Variants in SPATA6 observed in about 807,000 individuals in gnomAD.
SPATA6 encodes the protein spermatogenesis-associated protein 6.
Under a neutral mutation model 65.3 loss-of-function variants are expected in SPATA6, and 56 were observed. The observed-to-expected ratio is 0.86, with a 90% confidence interval of 0.69 to 1.07. The LOEUF (loss-of-function observed/expected upper bound fraction) is 1.07. SPATA6 is among the 50% of genes least tolerant of loss of function. The probability of loss-of-function intolerance (pLI) is 0.00; values close to 1 mark genes in which losing one functional copy is unlikely to be tolerated. For missense variants in SPATA6, 590 were observed against 594.8 expected (o/e 0.99, Z 0.08); for synonymous variants, 199 against 213.2 (o/e 0.93, Z 0.58).
In SPATA6 at chr1:48,418,544, C is replaced by CAAAA. The variant is rs34415296; in HGVS notation, c.239-5397_239-5394dup. Among the ~76,000 whole-genome samples the CAAAA allele has an allele frequency of 3.9e-3, 196 of 49,698 alleles. 6 individuals are homozygous for CAAAA. Among genetic ancestry groups the CAAAA allele is most frequent in the East Asian group, 0.017 (18 of 1,084 alleles). The allele number at this position is 49,698 out of a possible 152,430, so 32.6% of individuals were successfully genotyped here. A position where few individuals can be genotyped will look rare whatever the true frequency, so the allele number is the denominator to read the frequency against. The stretch of plus-strand genomic sequence containing the variant: ...GCAACATGGCAAGAACCCATCCCTA[C>CAAAA]AAAAAAAAAAAAAAAAAAAAAAAAA... On this transcript the variant is annotated intron_variant, in intron 3 of 12. Coordinates refer to ENST00000371847, the MANE Select transcript of SPATA6 (RefSeq NM_019073.4).
chr1:48,359,330 C>T (rs1430431702), intron 10 of SPATA6, among the ~76,000 whole-genome samples: 3 of 152,296 alleles, frequency 2.0e-5, no homozygotes, highest in South Asian at 2.1e-4. Context: ...TTACTTTTCA[C>T]TTTTAAGAAC....
chr1:48,467,365 C>T (rs1187185667), intron 1 of SPATA6, among the ~76,000 whole-genome samples: 1 of 152,006 alleles, frequency 6.6e-6, no homozygotes, highest in Non-Finnish European at 1.5e-5. Context: ...AAAGATAACA[C>T]CTAGTTTCCA....
chr1:48,363,510 T>A (rs1254846919), intron 9 of SPATA6, among the ~76,000 whole-genome samples: 1 of 152,068 alleles, frequency 6.6e-6, no homozygotes, highest in Non-Finnish European at 1.5e-5. Context: ...AAAAATTAAA[T>A]GAAAGGAAAG....
intron 11 of SPATA6, among the ~76,000 whole-genome samples, chr1:48,341,976 T>TGA (rs1443940648): frequency 6.6e-6 from 1 of 152,176 alleles, no homozygotes; most frequent in African/African-American, 2.4e-5. Flanking sequence ...CCAAAGAATA[T>TGA]ACACAATATA....
intron 4 of SPATA6, 67 bp from the exon 5 acceptor site, chr1:48,411,655 GTATGA>G: frequency 7.4e-7 from 1 of 1,349,038 alleles, no homozygotes; most frequent in Non-Finnish European, 9.7e-7. Context: ...AAATCATCAA[GTATGA>G]TATATCTACT....
intron 11 of SPATA6, among the ~76,000 whole-genome samples, chr1:48,314,950 G>A (rs1190338092): frequency 2.0e-5 from 3 of 152,088 alleles, no homozygotes; most frequent in Admixed American, 6.6e-5. Flanking sequence ...TAGAATAAAT[G>A]GATAAATCCT....
rs1174893649 is a variant in SPATA6, at chr1:48,400,516, A to G, written c.487-872T>C. Among the ~76,000 whole-genome samples, 3 of 152,152 alleles carry G rather than the reference A, an allele frequency of 2.0e-5. No homozygotes were observed. In the East Asian group the frequency reaches 5.8e-4, roughly 29 times the overall value. ...AGAGTTATAAGAAGCTTTTCAATTCAAGAAAATGGACTGCGGAGAATTTTT... is the reference window on the plus strand; with the variant it reads ...AGAGTTATAAGAAGCTTTTCAATTCGAGAAAATGGACTGCGGAGAATTTTT... On this transcript the variant is annotated intron_variant, in intron 6 of 12. Transcript: ENST00000371847.
the SPATA6 span, among the ~76,000 whole-genome samples, chr1:48,275,553 G>A: frequency 1.3e-5 from 2 of 152,096 alleles, no homozygotes; most frequent in Admixed American, 1.3e-4. Context: ...GCAAGAAGGG[G>A]TGCTGAATTT....
intron 3 of SPATA6, among the ~76,000 whole-genome samples, chr1:48,424,273 A>G (rs1262944168): frequency 1.3e-5 from 2 of 152,160 alleles, no homozygotes; most frequent in African/African-American, 4.8e-5. Flanking sequence ...TGCCTGGCAT[A>G]TTTTACTTAA....
intron 11 of SPATA6, among the ~76,000 whole-genome samples, chr1:48,319,359 T>C (rs540325500): frequency 1.3e-5 from 2 of 152,256 alleles, no homozygotes; most frequent in African/African-American, 4.8e-5. Context: ...CAAACCTTAT[T>C]ATCTAAGATG....
chr1:48,389,446 G>A (rs1649825918), intron 8 of SPATA6, among the ~76,000 whole-genome samples: 1 of 152,098 alleles, frequency 6.6e-6, no homozygotes, highest in African/African-American at 2.4e-5. Flanking sequence ...TCCCTAAGCA[G>A]ATACAATGCA....
chr1:48,411,624 A>G (rs747783991), intron 4 of SPATA6, 36 bp from the exon 5 acceptor site: 2 of 1,468,522 alleles, frequency 1.4e-6, no homozygotes, highest in East Asian at 2.5e-5. Flanking sequence ...AAATTATAAT[A>G]AAATATTCTA....
chr1:48,367,991 G>A (rs1319541570), intron 9 of SPATA6, among the ~76,000 whole-genome samples: 3 of 152,136 alleles, frequency 2.0e-5, no homozygotes, highest in East Asian at 1.9e-4. Flanking sequence ...GGCAGGCGTG[G>A]TGGTGACAAA....
chr1:48,386,855 C>T (rs904529015), intron 8 of SPATA6, among the ~76,000 whole-genome samples: 1 of 152,196 alleles, frequency 6.6e-6, no homozygotes, highest in African/African-American at 2.4e-5. Flanking sequence ...GAACTCCCTC[C>T]CCTACAGACT....
chr1:48,452,394 T>A (rs1387743418), intron 2 of SPATA6, among the ~76,000 whole-genome samples: 1 of 150,752 alleles, frequency 6.6e-6, no homozygotes, highest in East Asian at 1.9e-4. Flanking sequence ...ATTCTTTTTT[T>A]TTTTTTTTAG....
rs116737156 is a variant in SPATA6 at position 48,299,813 on chromosome 1, G to A, written c.1287-920C>T. ...CAGTGAAGTTAAGTGACTTGCCTAA[G>A]ACTGCTCAGCTAGTAAGTGGCAAAA... On this transcript the variant is annotated intron_variant, in intron 12 of 12. Transcript: ENST00000371847. Among the ~76,000 whole-genome samples, 370 of 152,284 alleles carry A rather than the reference G, an allele frequency of 2.4e-3. 3 individuals are homozygous for A. The highest frequency in any genetic ancestry group is 8.5e-3 in the African/African-American group (353 of 41,572).
intron 9 of SPATA6, among the ~76,000 whole-genome samples, chr1:48,364,873 C>T (rs1570313224): frequency 6.6e-6 from 1 of 152,262 alleles, no homozygotes; most frequent in East Asian, 1.9e-4. Flanking sequence ...AGTCCTTGCC[C>T]ATGCCCATGT....
intron 3 of SPATA6, among the ~76,000 whole-genome samples, chr1:48,435,256 T>C (rs1227038262): frequency 6.6e-6 from 1 of 152,218 alleles, no homozygotes; most frequent in East Asian, 1.9e-4. Flanking sequence ...GGAGAACTTT[T>C]GTGTCTAACT....
At chr1:48,306,508 A>G (rs889967802) in intron 11 of SPATA6, among the ~76,000 whole-genome samples, 2 of 151,980 alleles carry the variant, frequency 1.3e-5, no homozygotes, top group Non-Finnish European at 1.5e-5. Context: ...TTTGTTAACT[A>G]TATCATTCAC....
Sources: gnomAD v4.1 joint callset for allele counts (sites outside exome capture counted in the v4.1 genomes callset) on GRCh38, gnomAD v4.1.1 for gene constraint, MANE v1.5 for transcripts, NCBI Gene and HGNC (gene_info 2026-07-23, HGNC 2026-07-21) for gene names.